Variants in GSDMA observed in about 807,000 individuals in gnomAD.
GSDMA encodes gasdermin-A.
In GSDMA, 55 loss-of-function variants were observed where a neutral mutation model predicts 54.3. The ratio of observed to expected loss-of-function variants is 1.01; its 90% CI spans 0.82 to 1.27. The LOEUF (loss-of-function observed/expected upper bound fraction) is 1.27. Ranked by LOEUF, GSDMA falls within the 50% of genes most tolerant of loss-of-function variation. The probability of loss-of-function intolerance (pLI) is 0.00; values close to 1 mark genes in which losing one functional copy is unlikely to be tolerated. For missense variants in GSDMA, 542 were observed against 542.6 expected (o/e 1.00, Z 0.01); for synonymous variants, 211 against 224.7 (o/e 0.94, Z 0.54).
rs1280707384 is a variant in GSDMA at position 39,974,394 on chromosome 17, G to A, written c.873G>A (p.Gly291=). The A allele has an allele frequency of 2.5e-6, 4 of 1,589,926 alleles. No homozygotes were observed. Among genetic ancestry groups the A allele is most frequent in the East Asian group, 4.6e-5 (2 of 43,728 alleles). ...SLLSSLSKLL[G]KKKELQDLEL... Reference sequence around the variant, plus strand: ...TCAGCTCCCTCAGCAAACTTCTAGGGAAGAAAAAGGAGCTACAAGACCTTG... The same window carrying A: ...TCAGCTCCCTCAGCAAACTTCTAGGAAAGAAAAAGGAGCTACAAGACCTTG... The change falls in exon 9 of 12, where the codon GGG becomes GGA. Residue 291 remains glycine, a synonymous_variant. Coordinates refer to ENST00000301659, the MANE Select transcript of GSDMA (RefSeq NM_178171.5).
At chr17:39,973,960 T>C in intron 8 of GSDMA, 130 bp downstream of exon 8, 1 of 924,528 alleles carries the variant, frequency 1.1e-6, no homozygotes, top group Non-Finnish European at 1.7e-6. Context: ...CTTTCTCCAC[T>C]TTTTGCTGGA....
intron 1 of GSDMA, among the ~76,000 whole-genome samples, chr17:39,964,736 C>T (rs1197537679): frequency 2.6e-5 from 4 of 152,172 alleles, no homozygotes; most frequent in Non-Finnish European, 5.9e-5. Context: ...CACCCAGGCT[C>T]TTGTTGCCAG....
intron 1 of GSDMA, among the ~76,000 whole-genome samples, chr17:39,964,360 G>A (rs1461330812): frequency 2.0e-5 from 3 of 152,078 alleles, no homozygotes; most frequent in African/African-American, 4.8e-5. Context: ...TTTGAGGTCA[G>A]GAGTTCGAGA....
At position 39,977,102 on chromosome 17, in the gene GSDMA, A is replaced by C; in HGVS notation, c.*44A>C. On this transcript the variant is annotated 3_prime_UTR_variant, in exon 12 of 12. Transcript: ENST00000301659. ...TTCATGACTCCCTAATGCCTTCCCA[A>C]CCTCGTGGTGCTGTGTCCTTACCAC... The C allele has an allele frequency of 6.2e-7, 1 of 1,605,718 alleles. No individual in the cohort carries two copies. Among genetic ancestry groups the C allele is most frequent in the African/African-American group, 1.3e-5 (1 of 74,698 alleles).
In GSDMA at chr17:39,965,835, G is replaced by C. The variant is rs770131950; in HGVS notation, c.148G>C (p.Gly50Arg). 3.2e-6 allele frequency: 5 copies of C among 1,579,352 alleles called. No individual in the cohort carries two copies. In the South Asian group the frequency reaches 4.6e-5, roughly 15 times the overall value. Residue 50 changes from glycine (G) to arginine (R), a missense_variant, in exon 2 of 12, where the codon GGG (glycine) becomes CGG (arginine). Coordinates refer to ENST00000301659, the MANE Select transcript of GSDMA (RefSeq NM_178171.5). The stretch of plus-strand genomic sequence containing the variant: ...GAAGAGGAAGAGCACGCTCTTCTGG[G>C]GGGCCCGGTACGTCCGCACCGACTA... ...LRKRKSTLFW[G>R]ARYVRTDYTL...
chr17:39,976,527 C>T (rs1980207012), intron 11 of GSDMA, among the ~76,000 whole-genome samples: 1 of 152,178 alleles, frequency 6.6e-6, no homozygotes, highest in Non-Finnish European at 1.5e-5. Flanking sequence ...ATCTGCCCAC[C>T]TCAGCCTCCC....
Position 39,972,121 on chromosome 17 carries a change from CTTCACAGATATT to C in GSDMA, c.656-7_660del. On this transcript the variant is annotated splice_acceptor_variant and splice_polypyrimidine_tract_variant and coding_sequence_variant and intron_variant, in exon 6 of 12. Transcript: ENST00000301659. LOFTEE classifies it high-confidence loss of function. ...GTCCTCCCACCCTCCCTCCCTTGCC[CTTCACAGATATT>C]CCACATATCTGCAATGATAACATGC... The C allele has an allele frequency of 1.3e-6, 2 of 1,534,636 alleles. No individual in the cohort carries two copies. Among genetic ancestry groups the C allele is most frequent in the Non-Finnish European group, 9.0e-7 (1 of 1,114,284 alleles).
Position 39,974,269 on chromosome 17 carries a change from A to G in GSDMA, c.752-4A>G, listed in dbSNP as rs769597611. The G allele has an allele frequency of 4.4e-6, 7 of 1,607,842 alleles. No homozygotes were observed. In the South Asian group the frequency reaches 7.8e-5, roughly 18 times the overall value. On this transcript the variant is annotated splice_region_variant and splice_polypyrimidine_tract_variant and intron_variant, in intron 8 of 11. Coordinates refer to ENST00000301659, the MANE Select transcript of GSDMA (RefSeq NM_178171.5). ...GGCTGTGTGTCCCATTATTGTCCCC[A>G]TAGGGGACGTACACGAAGGCTTCAG... is the stretch of plus-strand genomic sequence containing the variant.
At chr17:39,974,160 G>A in intron 8 of GSDMA, 113 bp from the exon 9 acceptor site, 1 of 1,121,534 alleles carries the variant, frequency 8.9e-7, no homozygotes, top group Non-Finnish European at 1.2e-6. Context: ...CAAACTGGGG[G>A]GTAGAGCATG....
rs114577902 is a variant in GSDMA, at chr17:39,974,424, C to T, written c.903C>T (p.Leu301=). 4,992 of 1,576,064 alleles carry T rather than the reference C, an allele frequency of 3.2e-3. 149 individuals carry two copies. The African/African-American group carries it at 0.057, about 18-fold the overall frequency. The change falls in exon 9 of 12, where the codon CTC becomes CTT. Residue 301 remains leucine (L), a synonymous_variant. Transcript: ENST00000301659. ...AAAAGGAGCTACAAGACCTTGAGCT[C>T]GCAGTGAGGACCTAGTGGAAGTGGG... ...GKKKELQDLE[L]ALEGALDKGH... is the part of the protein sequence containing the mutation.
intron 3 of GSDMA, among the ~76,000 whole-genome samples, chr17:39,969,978 A>G (rs59269632): frequency 0.43 from 65,180 of 151,818 alleles, 14,367 homozygotes; most frequent in Admixed American, 0.52. Flanking sequence ...GAGTTTATAT[A>G]TGGAAGCAGA....
rs778393872 is a variant in GSDMA, at chr17:39,966,328, G to A, written c.283G>A (p.Val95Ile). 1.3e-5 allele frequency: 21 copies of A among 1,613,856 alleles called. 1 individual carries two copies. In the South Asian group the frequency reaches 2.1e-4, roughly 16 times the overall value. ...LDTRVEGDVD[V>I]PKTVKVKGTA... ...CACCCGAGTGGAGGGAGATGTGGAT[G>A]TACCAAAGACGGTGAAGGTGAAGGG... Residue 95 changes from valine (V) to isoleucine (I), a missense_variant, in exon 3 of 12, where the codon GTA (valine) becomes ATA (isoleucine). Coordinates refer to ENST00000301659, the MANE Select transcript of GSDMA (RefSeq NM_178171.5).
At chr17:39,971,454 CA>C (rs1979932584) in intron 4 of GSDMA, 69 bp from the exon 5 acceptor site, 2 of 1,223,592 alleles carry the variant, frequency 1.6e-6, no homozygotes, top group South Asian at 2.5e-5. Context: ...GCACCTCCCC[CA>C]ACTCACGCTC....
chr17:39,972,231 T>C lies in GSDMA; in HGVS notation c.703+55T>C, dbSNP rs1229057719. The C allele has an allele frequency of 3.3e-6, 4 of 1,203,124 alleles. No individual in the cohort carries two copies. In the East Asian group the frequency reaches 9.7e-5, roughly 29 times the overall value. 74.5% of individuals were successfully genotyped at this position (1,203,124 alleles called of 1,614,324 possible). A position where few individuals can be genotyped will look rare whatever the true frequency, so the allele number is the denominator to read the frequency against. ...ATCTTCCGCCCTACCCCTGACATTA[T>C]CTGCCAAAATCCTCCACCCTCTCCT... On this transcript the variant is annotated intron_variant, in intron 6 of 11. Transcript: ENST00000301659.
chr17:39,966,180 G>T (rs1291016358), intron 2 of GSDMA, 80 bp from the exon 3 acceptor site: 7 of 1,466,908 alleles, frequency 4.8e-6, no homozygotes, highest in Admixed American at 1.8e-5. Flanking sequence ...TTCCACCTTG[G>T]CCTCCCAAAA....
rs1334427304 is a variant in GSDMA, at chr17:39,971,524, G to A, written c.559G>A (p.Gly187Arg). 6.2e-7 allele frequency: 1 copy of A among 1,610,468 alleles called. No homozygotes were observed. Among genetic ancestry groups the A allele is most frequent in the South Asian group, 1.1e-5 (1 of 90,990 alleles). ...ACAAATTCTCATTGTCTAATTCTAG[G>A]GATCCATAAATCACAAGGAGGCTGT... ...LPFFAPLGLQGSINHKEAVTI... is the reference protein window; with the variant it reads ...LPFFAPLGLQRSINHKEAVTI... The change falls in exon 5 of 12, where the codon GGA (glycine) becomes AGA (arginine). Residue 187 changes from glycine to arginine, a missense_variant and splice_region_variant. Physicochemically the swap from Gly to Arg is moderately radical, Grantham distance 125. Coordinates refer to ENST00000301659, the MANE Select transcript of GSDMA (RefSeq NM_178171.5).
At position 39,977,206 on chromosome 17, in the gene GSDMA, C is replaced by G. The variant is rs926024232; in HGVS notation, c.*148C>G. 2 of 875,142 alleles carry G rather than the reference C, an allele frequency of 2.3e-6. No individual in the cohort carries two copies. Among genetic ancestry groups the G allele is most frequent in the Non-Finnish European group, 3.6e-6 (2 of 561,354 alleles). 54.2% of individuals were successfully genotyped at this position (875,142 alleles called of 1,614,324 possible). A position where few individuals can be genotyped will look rare whatever the true frequency, so the allele number is the denominator to read the frequency against. On this transcript the variant is annotated 3_prime_UTR_variant, in exon 12 of 12. Transcript: ENST00000301659. ...CCCATGATAACCAACTTCCACCTGCCCAACCATATATCACCCCCTACCCCT... is the reference window on the plus strand; with the variant it reads ...CCCATGATAACCAACTTCCACCTGCGCAACCATATATCACCCCCTACCCCT...
chr17:39,974,389 C>G lies in GSDMA; in HGVS notation c.868C>G (p.Leu290Val). ...CCTGCTCAGCTCCCTCAGCAAACTT[C>G]TAGGGAAGAAAAAGGAGCTACAAGA... ...SSLLSSLSKL[L>V]GKKKELQDLE... Residue 290 changes from leucine to valine, a missense_variant, in exon 9 of 12, where the codon CTA becomes GTA. By Grantham distance (32) the Leu-to-Val change is conservative. Coordinates refer to ENST00000301659, the MANE Select transcript of GSDMA (RefSeq NM_178171.5). The G allele has an allele frequency of 6.3e-7, 1 of 1,593,024 alleles. No homozygotes were observed. The highest frequency in any genetic ancestry group is 8.5e-7 in the Non-Finnish European group (1 of 1,169,956).
intron 6 of GSDMA, 22 bp from the exon 7 acceptor site, chr17:39,972,565 T>A (rs746186182): frequency 1.2e-6 from 2 of 1,611,932 alleles, no homozygotes; most frequent in Admixed American, 3.3e-5. Context: ...TGCTGACAGA[T>A]GTGCATTTTT....
Sources: gnomAD v4.1 joint callset for allele counts (sites outside exome capture counted in the v4.1 genomes callset) on GRCh38, gnomAD v4.1.1 for gene constraint, MANE v1.5 for transcripts, NCBI Gene and HGNC (gene_info 2026-07-23, HGNC 2026-07-21) for gene names.